Variants in ZMAT3 observed in about 807,000 individuals in gnomAD.
ZMAT3 encodes zinc finger matrin-type protein 3.
ZMAT3 carries 17 observed loss-of-function variants against 32.3 expected under a neutral mutation model. The ratio of observed to expected loss-of-function variants is 0.53; its 90% CI spans 0.36 to 0.79. The LOEUF (loss-of-function observed/expected upper bound fraction) is 0.79. ZMAT3 is among the 30% of genes least tolerant of loss of function. The pLI is 0.00. For synonymous variants in ZMAT3, 120 were observed against 133.1 expected, an observed-to-expected ratio of 0.90 and a Z score of 0.68; for missense variants, 329 against 359.7, an observed-to-expected ratio of 0.91 and a Z score of 0.69.
intron 2 of ZMAT3, among the ~76,000 whole-genome samples, chr3:179,040,818 T>C (rs6776956): frequency 0.18 from 27,216 of 151,394 alleles, 2,499 homozygotes; most frequent in South Asian, 0.21. Flanking sequence ...GTGTGCTGTA[T>C]TCAGGAGACC....
At chr3:179,067,880 A>C in intron 1 of ZMAT3, 71 bp from the exon 2 acceptor site, 5 of 1,363,808 alleles carry the variant, frequency 3.7e-6, no homozygotes, top group Non-Finnish European at 4.9e-6. Context: ...TAACATGTAA[A>C]TGACAACATA....
chr3:179,060,048 T>C (rs1167842541), intron 2 of ZMAT3, among the ~76,000 whole-genome samples: 4 of 152,076 alleles, frequency 2.6e-5, no homozygotes, highest in African/African-American at 9.7e-5. Context: ...GATCGGGATA[T>C]AAACCCAGGC....
At chr3:179,061,222 C>T (rs1721137450) in intron 2 of ZMAT3, among the ~76,000 whole-genome samples, 1 of 152,002 alleles carries the variant, frequency 6.6e-6, no homozygotes, top group South Asian at 2.1e-4. Context: ...TGCAGCAAAC[C>T]CAACAGACTC....
In ZMAT3 at chr3:179,024,918, A is replaced by T; in HGVS notation, c.*99T>A. 8.6e-7 allele frequency: 1 copy of T among 1,169,106 alleles called. No homozygotes were observed. The highest frequency in any genetic ancestry group is 1.3e-6 in the Non-Finnish European group (1 of 793,960). 72.4% of individuals were successfully genotyped at this position (1,169,106 alleles called of 1,614,324 possible). The stretch of plus-strand genomic sequence containing the variant: ...TGGGTTACATGTATTAACATTAAGC[A>T]GAGGAATGTACTCATATCAAAAAGA... On this transcript the variant is annotated 3_prime_UTR_variant, in exon 6 of 6. Coordinates refer to ENST00000311417, the MANE Select transcript of ZMAT3 (RefSeq NM_022470.4).
chr3:179,040,745 G>T (rs1371702429), intron 2 of ZMAT3, among the ~76,000 whole-genome samples: 1 of 152,042 alleles, frequency 6.6e-6, no homozygotes, highest in Non-Finnish European at 1.5e-5. Context: ...AAATGTAAAT[G>T]AGCTAAATGC....
chr3:179,050,605 C>A (rs182454489), intron 2 of ZMAT3, among the ~76,000 whole-genome samples: 7 of 152,142 alleles, frequency 4.6e-5, no homozygotes, highest in African/African-American at 1.7e-4. Flanking sequence ...GGAATCCTCC[C>A]GAAATCATTC....
intron 2 of ZMAT3, among the ~76,000 whole-genome samples, chr3:179,039,810 G>A (rs146210558): frequency 1.1e-4 from 16 of 152,280 alleles, no homozygotes; most frequent in South Asian, 1.0e-3. Context: ...CGAACCCATC[G>A]CAAGGAAGCT....
intron 2 of ZMAT3, among the ~76,000 whole-genome samples, chr3:179,042,910 G>A (rs1720030758): frequency 6.6e-6 from 1 of 152,156 alleles, no homozygotes; most frequent in Non-Finnish European, 1.5e-5. Flanking sequence ...AAAATCACAA[G>A]CACTCCTATA....
chr3:179,024,888 C>T lies in ZMAT3; in HGVS notation c.*129G>A. 1 of 828,558 alleles carries T rather than the reference C, an allele frequency of 1.2e-6. No individual in the cohort carries two copies. The highest frequency in any genetic ancestry group is 1.9e-6 in the Non-Finnish European group (1 of 527,850). 51.3% of individuals were successfully genotyped at this position (828,558 alleles called of 1,614,324 possible). On this transcript the variant is annotated 3_prime_UTR_variant, in exon 6 of 6. Transcript: ENST00000311417. The stretch of plus-strand genomic sequence containing the variant: ...CCCAGGTTTTGACATCTCATGGTAC[C>T]ACTGTGGGTTACATGTATTAACATT...
intron 2 of ZMAT3, among the ~76,000 whole-genome samples, chr3:179,032,994 CA>C (rs1173046275): frequency 6.6e-6 from 1 of 152,242 alleles, no homozygotes. Context: ...GTGTACCCAA[CA>C]GCTCATTGAG....
chr3:179,040,153 A>G (rs1357470903), intron 2 of ZMAT3, among the ~76,000 whole-genome samples: 4 of 152,220 alleles, frequency 2.6e-5, no homozygotes, highest in Non-Finnish European at 5.9e-5. Context: ...GTTGGAAAAC[A>G]CTCTTCAGGA....
At chr3:179,025,699 A>G (rs1315495818) in intron 5 of ZMAT3, among the ~76,000 whole-genome samples, 1 of 152,204 alleles carries the variant, frequency 6.6e-6, no homozygotes, top group Admixed American at 6.5e-5. Flanking sequence ...AGATTCAAAA[A>G]TAGGATTAAA....
chr3:179,027,932 T>A, intron 3 of ZMAT3, 120 bp from the exon 4 acceptor site: 1 of 956,720 alleles, frequency 1.0e-6, no homozygotes, highest in Non-Finnish European at 1.5e-6. Context: ...CCACAAGCAT[T>A]AAGCTTCATC....
chr3:179,055,147 C>T (rs2108574982), intron 2 of ZMAT3, among the ~76,000 whole-genome samples: 1 of 152,200 alleles, frequency 6.6e-6, no homozygotes, highest in East Asian at 1.9e-4. Flanking sequence ...GGGAAACATT[C>T]CCCCCAAGGC....
chr3:179,044,892 C>T (rs542437912), intron 2 of ZMAT3, among the ~76,000 whole-genome samples: 1 of 151,608 alleles, frequency 6.6e-6, no homozygotes, highest in Non-Finnish European at 1.5e-5. Context: ...GGGCGGGGGA[C>T]TAGGGGAGGG....
At position 179,017,312 on chromosome 3, in the gene ZMAT3, A is replaced by AT. The variant is rs1437250933; in HGVS notation, c.*7704dup. 6.6e-6 allele frequency: 1 copy of AT among 152,202 alleles called. No individual in the cohort carries two copies. Among genetic ancestry groups the AT allele is most frequent in the Non-Finnish European group, 1.5e-5 (1 of 68,032 alleles). 9.4% of individuals were successfully genotyped at this position (152,202 alleles called of 1,614,324 possible). On this transcript the variant is annotated 3_prime_UTR_variant, in exon 6 of 6. Transcript: ENST00000311417. ...TCAAGCCTTTATCAGAAATCAGTAC[A>AT]TAAGTGAGGATACACAGCCAAAATG...
chr3:179,035,858 C>T (rs1196851446), intron 2 of ZMAT3, among the ~76,000 whole-genome samples: 1 of 152,200 alleles, frequency 6.6e-6, no homozygotes, highest in East Asian at 1.9e-4. Flanking sequence ...AAGGGGGCAA[C>T]TGACTCATCT....
chr3:179,068,642 C>T (rs968064177), intron 1 of ZMAT3, among the ~76,000 whole-genome samples: 2 of 152,122 alleles, frequency 1.3e-5, no homozygotes, highest in Non-Finnish European at 2.9e-5. Flanking sequence ...GCTAAAATTT[C>T]AGGGAACTCT....
At chr3:179,027,871 T>C in intron 3 of ZMAT3, 59 bp from the exon 4 acceptor site, 1 of 1,514,642 alleles carries the variant, frequency 6.6e-7, no homozygotes, top group Non-Finnish European at 8.8e-7. Context: ...TTCCTCCTTC[T>C]CCTCAAAGGT....
Sources: gnomAD v4.1 joint callset for allele counts (sites outside exome capture counted in the v4.1 genomes callset) on GRCh38, gnomAD v4.1.1 for gene constraint, MANE v1.5 for transcripts, NCBI Gene and HGNC (gene_info 2026-07-23, HGNC 2026-07-21) for gene names.